XKR4: variants seen among roughly 807,000 people sequenced by gnomAD.
XKR4 encodes the protein XK related 4.
In XKR4, 12 loss-of-function variants were observed where a neutral mutation model predicts 53.9. The observed-to-expected ratio is 0.22, with a 90% CI of 0.14 to 0.36. The LOEUF (loss-of-function observed/expected upper bound fraction) is 0.36, where lower values mean the gene tolerates loss of function less well. Among genes scored for constraint, XKR4 ranks in the 10% least tolerant of loss-of-function variants. The pLI, the probability that XKR4 is intolerant of heterozygous loss-of-function variation, is 1.00. For missense variants in XKR4, 799 were observed against 859.5 expected, an observed-to-expected ratio of 0.93 and a Z score of 0.88; for synonymous variants, 354 against 362.4, an observed-to-expected ratio of 0.98 and a Z score of 0.26.
intron 1 of XKR4, among the ~76,000 whole-genome samples, chr8:55,355,855 T>TA (rs1403763674): frequency 6.6e-6 from 1 of 152,230 alleles, no homozygotes; most frequent in African/African-American, 2.4e-5. Context: ...GTATCTCTGC[T>TA]ATCCTTCGCT....
intron 2 of XKR4, chr8:55,451,108 C>T (rs1805434644): frequency 5.8e-6 from 3 of 518,950 alleles, no homozygotes; most frequent in East Asian, 4.1e-5. Context: ...TGGCCTTTGT[C>T]CCCGAGGATG....
rs1362755298 is a variant in XKR4, at chr8:55,526,574, G to C, written c.*2347G>C. ...ATTTTGGCAAATTCTTCACTTTTGTGCAGAACCTTGAGTTATTAGCTTCAT... is the reference window on the plus strand; with the variant it reads ...ATTTTGGCAAATTCTTCACTTTTGTCCAGAACCTTGAGTTATTAGCTTCAT... On this transcript the variant is annotated 3_prime_UTR_variant, in exon 3 of 3. Coordinates refer to ENST00000327381, the MANE Select transcript of XKR4 (RefSeq NM_052898.2). 6.6e-6 allele frequency: 1 copy of C among 152,130 alleles called. No individual in the cohort carries two copies. Among genetic ancestry groups the C allele is most frequent in the Non-Finnish European group, 1.5e-5 (1 of 68,026 alleles). 9.4% of individuals were successfully genotyped at this position (152,130 alleles called of 1,614,324 possible).
chr8:55,409,978 C>A (rs1430249664), intron 2 of XKR4, among the ~76,000 whole-genome samples: 1 of 152,124 alleles, frequency 6.6e-6, no homozygotes, highest in African/African-American at 2.4e-5. Context: ...AGCACATCTT[C>A]ATCTGTCTGA....
chr8:55,231,871 A>G (rs1457343543), intron 1 of XKR4, among the ~76,000 whole-genome samples: 3 of 152,202 alleles, frequency 2.0e-5, no homozygotes, highest in Non-Finnish European at 4.4e-5. Context: ...CACTCTGTGT[A>G]CATGAAGAGC....
At chr8:55,215,149 A>G (rs1027127413) in intron 1 of XKR4, among the ~76,000 whole-genome samples, 3 of 151,920 alleles carry the variant, frequency 2.0e-5, no homozygotes, top group Non-Finnish European at 4.4e-5. Context: ...GCTGCTGAGT[A>G]TTATCACATG....
chr8:55,307,088 G>A (rs927692239), intron 1 of XKR4, among the ~76,000 whole-genome samples: 2 of 152,014 alleles, frequency 1.3e-5, no homozygotes, highest in Non-Finnish European at 2.9e-5. Flanking sequence ...TAGGCAATGA[G>A]TTCTTAGATT....
intron 2 of XKR4, among the ~76,000 whole-genome samples, chr8:55,479,647 C>A (rs1806066327): frequency 1.3e-5 from 2 of 151,854 alleles, no homozygotes; most frequent in South Asian, 2.1e-4. Context: ...ATCGATAGAC[C>A]ACTAGCAAGA....
intron 2 of XKR4, among the ~76,000 whole-genome samples, chr8:55,507,833 G>A (rs935920850): frequency 2.0e-5 from 3 of 152,172 alleles, no homozygotes; most frequent in Admixed American, 6.5e-5. Context: ...CTTTATAGCG[G>A]CATGATTTAT....
At chr8:55,303,146 A>T (rs1174157731) in intron 1 of XKR4, among the ~76,000 whole-genome samples, 1 of 152,016 alleles carries the variant, frequency 6.6e-6, no homozygotes, top group Non-Finnish European at 1.5e-5. Flanking sequence ...TCATAGATAG[A>T]TCTTATTATT....
chr8:55,466,435 T>C (rs1805770579), intron 2 of XKR4, among the ~76,000 whole-genome samples: 1 of 151,612 alleles, frequency 6.6e-6, no homozygotes, highest in Non-Finnish European at 1.5e-5. Context: ...AATTGAACAA[T>C]GAGAACACAT....
chr8:55,280,856 A>G (rs918627756), intron 1 of XKR4, among the ~76,000 whole-genome samples: 7 of 152,226 alleles, frequency 4.6e-5, no homozygotes, highest in African/African-American at 1.7e-4. Flanking sequence ...ATATATAGGT[A>G]TGAAGACTGT....
intron 1 of XKR4, among the ~76,000 whole-genome samples, chr8:55,249,118 G>C (rs1432342173): frequency 6.6e-6 from 1 of 152,168 alleles, no homozygotes; most frequent in Admixed American, 6.5e-5. Flanking sequence ...GTCAGATACT[G>C]TTTGGCTATA....
intron 2 of XKR4, among the ~76,000 whole-genome samples, chr8:55,393,548 C>G (rs946550693): frequency 2.0e-5 from 3 of 152,108 alleles, no homozygotes; most frequent in African/African-American, 4.8e-5. Context: ...ATTATACTAA[C>G]CTTTCTGCTT....
At chr8:55,120,216 A>AAAGCC in intron 1 of XKR4, among the ~76,000 whole-genome samples, 2 of 152,140 alleles carry the variant, frequency 1.3e-5, no homozygotes, top group African/African-American at 2.4e-5. Flanking sequence ...CCATTCATTC[A>AAAGCC]TGGGTTTCTT....
At chr8:55,371,446 C>G (rs75695751) in intron 2 of XKR4, among the ~76,000 whole-genome samples, 1 of 152,054 alleles carries the variant, frequency 6.6e-6, no homozygotes, top group African/African-American at 2.4e-5. Flanking sequence ...AGTACCACAA[C>G]CTATTTTCCT....
At chr8:55,402,770 T>G (rs1204541250) in intron 2 of XKR4, among the ~76,000 whole-genome samples, 2 of 152,154 alleles carry the variant, frequency 1.3e-5, no homozygotes, top group Non-Finnish European at 2.9e-5. Context: ...AGAGTGAATC[T>G]TCCAGCAAGA....
At chr8:55,452,812 T>TG (rs1438453733) in intron 2 of XKR4, 1 of 773,516 alleles carries the variant, frequency 1.3e-6, no homozygotes, top group Non-Finnish European at 2.3e-6. Context: ...ACCAGGCTGT[T>TG]GCTGGTGCTC....
chr8:55,103,722 C>A (rs558219898), intron 1 of XKR4, among the ~76,000 whole-genome samples: 8 of 150,828 alleles, frequency 5.3e-5, no homozygotes, highest in Non-Finnish European at 3.0e-5. Context: ...TCTTTTGTTC[C>A]CTGGGGAAAA....
At chr8:55,251,271 A>C (rs549229059) in intron 1 of XKR4, among the ~76,000 whole-genome samples, 1 of 152,214 alleles carries the variant, frequency 6.6e-6, no homozygotes, top group South Asian at 2.1e-4. Context: ...TGTTTTTACC[A>C]ATGTTATTAC....
Sources: allele counts gnomAD v4.1 joint callset (sites outside exome capture counted in the v4.1 genomes callset), GRCh38; gene constraint gnomAD v4.1.1; transcripts MANE v1.5; gene names NCBI Gene and HGNC (gene_info 2026-07-23, HGNC 2026-07-21).